Variants in BCAS3 observed in about 807,000 individuals in gnomAD.
BCAS3 encodes BCAS3 microtubule associated cell migration factor, also known as BCAS4/BCAS3 fusion.
In BCAS3, 53 loss-of-function variants were observed where a neutral mutation model predicts 116.1. The ratio of observed to expected loss-of-function variants is 0.46; its 90% confidence interval spans 0.37 to 0.57. The LOEUF (loss-of-function observed/expected upper bound fraction) is 0.57, where lower values mean the gene tolerates loss of function less well. BCAS3 is among the 20% of genes least tolerant of loss of function. The pLI is 0.00. For missense variants in BCAS3, 917 were observed against 1,165.4 expected, an observed-to-expected ratio of 0.79 and a Z score of 3.10; for synonymous variants, 391 against 408.2, an observed-to-expected ratio of 0.96 and a Z score of 0.51.
intron 7 of BCAS3, among the ~76,000 whole-genome samples, chr17:60,814,670 G>A (rs2049202168): frequency 6.6e-6 from 1 of 152,120 alleles, no homozygotes. Flanking sequence ...TGTTATTTTA[G>A]TACGTTTGAC....
chr17:60,786,503 C>CG (rs2046296500), intron 6 of BCAS3, among the ~76,000 whole-genome samples: 1 of 151,024 alleles, frequency 6.6e-6, no homozygotes, highest in African/African-American at 2.4e-5. Flanking sequence ...GCCTAAGTGA[C>CG]AGAGCAAGAC....
At chr17:61,328,882 C>T (rs758883795) in intron 22 of BCAS3, among the ~76,000 whole-genome samples, 2 of 150,106 alleles carry the variant, frequency 1.3e-5, no homozygotes, top group South Asian at 4.2e-4. Flanking sequence ...AGCATGAAGA[C>T]GCAGGCTCTT....
At position 61,325,365 on chromosome 17, in the gene BCAS3, C is replaced by T. The variant is rs973277118; in HGVS notation, c.2426-42962C>T. ...ACATACTCGGCGTGGCCTCTCCCCA[C>T]CCTGCCCTGAACAGTTATTAGGGCT... On this transcript the variant is annotated intron_variant, in intron 22 of 23. Transcript: ENST00000407086. The surrounding 1 kb of genome is among the most constrained non-coding windows in gnomAD (Gnocchi z 6.4). Among the ~76,000 whole-genome samples the T allele has an allele frequency of 6.6e-6, 1 of 152,198 alleles. No homozygotes were observed. The highest frequency in any genetic ancestry group is 1.5e-5 in the Non-Finnish European group (1 of 68,030).
intron 12 of BCAS3, among the ~76,000 whole-genome samples, chr17:60,923,301 C>T (rs1236537168): frequency 1.3e-5 from 2 of 152,194 alleles, no homozygotes; most frequent in African/African-American, 2.4e-5. Flanking sequence ...TTGACCTGCA[C>T]AGTTAAAACG....
chr17:60,914,904 A>T (rs1047619029), intron 12 of BCAS3, among the ~76,000 whole-genome samples: 1 of 152,158 alleles, frequency 6.6e-6, no homozygotes, highest in Non-Finnish European at 1.5e-5. Flanking sequence ...TAAGTATTGG[A>T]GGAGGGAAAG....
At chr17:61,329,852 C>G (rs2056114774) in intron 22 of BCAS3, among the ~76,000 whole-genome samples, 1 of 152,162 alleles carries the variant, frequency 6.6e-6, no homozygotes, top group Admixed American at 6.5e-5. Context: ...CCGCAAGACG[C>G]CGCTTACCTG....
At chr17:61,046,070 A>T (rs56959022) in intron 19 of BCAS3, among the ~76,000 whole-genome samples, 5 of 28,148 alleles carry the variant, frequency 1.8e-4, no homozygotes, top group East Asian at 1.3e-3. Flanking sequence ...TATATATATA[A>T]TATATATATA....
chr17:60,880,015 A>G (rs989245756), intron 9 of BCAS3, among the ~76,000 whole-genome samples: 2 of 152,210 alleles, frequency 1.3e-5, no homozygotes, highest in African/African-American at 4.8e-5. Flanking sequence ...TTTTTAGGGC[A>G]TGTGCTGGTG....
intron 6 of BCAS3, among the ~76,000 whole-genome samples, chr17:60,777,176 A>G (rs1365847237): frequency 6.6e-6 from 1 of 152,194 alleles, no homozygotes; most frequent in Non-Finnish European, 1.5e-5. Flanking sequence ...GCAGTAGGGA[A>G]AAAATGGCTG....
At chr17:60,734,696 T>C (rs2040795734) in intron 5 of BCAS3, among the ~76,000 whole-genome samples, 1 of 152,224 alleles carries the variant, frequency 6.6e-6, no homozygotes, top group Admixed American at 6.5e-5. Flanking sequence ...TATCTAGTCT[T>C]TCACCAATAC....
intron 6 of BCAS3, among the ~76,000 whole-genome samples, chr17:60,752,948 A>C (rs972576672): frequency 7.9e-5 from 12 of 152,074 alleles, no homozygotes; most frequent in African/African-American, 2.9e-4. Flanking sequence ...AGGCTCAAGC[A>C]ATCTTCCCAC....
intron 6 of BCAS3, among the ~76,000 whole-genome samples, chr17:60,783,947 A>T (rs148190790): frequency 6.6e-6 from 1 of 152,180 alleles, no homozygotes; most frequent in African/African-American, 2.4e-5. Flanking sequence ...TTGGCCACAT[A>T]AAGTTTCCTT....
chr17:61,369,390 C>T (rs143904993), intron 23 of BCAS3, among the ~76,000 whole-genome samples: 4 of 152,298 alleles, frequency 2.6e-5, no homozygotes, highest in South Asian at 4.1e-4. Flanking sequence ...GCTCCGTTCC[C>T]GTTCCACATG....
chr17:61,284,501 C>T (rs750434940), intron 22 of BCAS3, among the ~76,000 whole-genome samples: 3 of 152,138 alleles, frequency 2.0e-5, no homozygotes, highest in South Asian at 2.1e-4. Flanking sequence ...TAACACTCAT[C>T]GCGAGGGTCC....
At chr17:61,240,506 T>C (rs2144498637) in intron 22 of BCAS3, among the ~76,000 whole-genome samples, 1 of 151,788 alleles carries the variant, frequency 6.6e-6, no homozygotes, top group Middle Eastern at 3.4e-3. Context: ...CAAAAAAAAA[T>C]AGCCAGGCGT....
intron 9 of BCAS3, among the ~76,000 whole-genome samples, chr17:60,881,369 A>G (rs918333577): frequency 2.0e-5 from 3 of 152,092 alleles, no homozygotes; most frequent in African/African-American, 4.8e-5. Flanking sequence ...TTTGTCCTAT[A>G]TAAGAAACCA....
chr17:61,246,259 T>A (rs2047934005), intron 22 of BCAS3, among the ~76,000 whole-genome samples: 1 of 152,034 alleles, frequency 6.6e-6, no homozygotes, highest in African/African-American at 2.4e-5. Context: ...GGCAGGCAGA[T>A]GGCTTGAGTC....
At chr17:61,257,420 CAAAA>C (rs35124459) in intron 22 of BCAS3, among the ~76,000 whole-genome samples, 82 of 57,230 alleles carry the variant, frequency 1.4e-3, no homozygotes, top group Admixed American at 7.4e-3. Flanking sequence ...GACTCCATCT[CAAAA>C]AAAAAAAAAA....
In BCAS3 at chr17:61,352,850, C is replaced by T. The variant is rs114042450; in HGVS notation, c.2426-15477C>T. ...GCCCTCTGCAGCTGTGCAGAGAAGG[C>T]CTGGTGCCGCCACACTCCTGCTCGG... On this transcript the variant is annotated intron_variant, in intron 22 of 23. Transcript: ENST00000407086. This position sits in a 1 kb window ranked among gnomAD's most constrained non-coding sequence, Gnocchi z 4.7. Among the ~76,000 whole-genome samples the T allele has an allele frequency of 1.3e-5, 2 of 152,154 alleles. No homozygotes were observed. Among genetic ancestry groups the T allele is most frequent in the Non-Finnish European group, 2.9e-5 (2 of 68,034 alleles).
Sources: allele counts gnomAD v4.1 joint callset (sites outside exome capture counted in the v4.1 genomes callset), GRCh38; gene constraint gnomAD v4.1.1; non-coding constraint Gnocchi (gnomAD v3.1); transcripts MANE v1.5; gene names NCBI Gene and HGNC (gene_info 2026-07-23, HGNC 2026-07-21).